The following VEPH1 variants were observed in gnomAD, a reference collection of about 807,000 sequenced individuals.
VEPH1 encodes ventricular zone expressed PH domain containing 1, also known as ventricular zone-expressed PH domain-containing protein homolog 1.
VEPH1 carries 80 observed loss-of-function variants against 85.2 expected under a neutral mutation model. The observed-to-expected ratio is 0.94, with a 90% CI of 0.78 to 1.13. The LOEUF (loss-of-function observed/expected upper bound fraction) is 1.13, where lower values mean the gene tolerates loss of function less well. Among genes scored for constraint, VEPH1 ranks in the 50% most tolerant of loss-of-function variants. The pLI is 0.00. For synonymous variants in VEPH1, 297 were observed against 348.0 expected, an observed-to-expected ratio of 0.85 and a Z score of 1.63; for missense variants, 955 against 980.5, an observed-to-expected ratio of 0.97 and a Z score of 0.35.
chr3:157,295,680 C>A (rs1331228246), intron 11 of VEPH1, among the ~76,000 whole-genome samples: 1 of 152,158 alleles, frequency 6.6e-6, no homozygotes, highest in African/African-American at 2.4e-5. Flanking sequence ...GTTGGTCAGG[C>A]ACAGTGGCTC....
chr3:157,435,283 C>T (rs1190074386), intron 4 of VEPH1, among the ~76,000 whole-genome samples: 1 of 152,132 alleles, frequency 6.6e-6, no homozygotes, highest in Non-Finnish European at 1.5e-5. Context: ...TTGGTTTCTG[C>T]TGATTCTCAT....
intron 11 of VEPH1, among the ~76,000 whole-genome samples, chr3:157,289,866 T>C (rs1717259390): frequency 6.6e-6 from 1 of 152,230 alleles, no homozygotes; most frequent in Admixed American, 6.5e-5. Flanking sequence ...TCAGTTCTAA[T>C]GGGATTGTGG....
At chr3:157,409,620 C>T (rs908204024) in intron 6 of VEPH1, 5 of 985,160 alleles carry the variant, frequency 5.1e-6, no homozygotes, top group Non-Finnish European at 6.0e-6. Context: ...CTCTTCTCTG[C>T]CGAATGTAAT....
At chr3:157,382,379 G>A (rs933269141) in intron 6 of VEPH1, among the ~76,000 whole-genome samples, 6 of 152,002 alleles carry the variant, frequency 3.9e-5, no homozygotes, top group African/African-American at 7.3e-5. Context: ...CATATTTTGA[G>A]GCAACATGAT....
chr3:157,496,757 TC>T (rs766638372), intron 1 of VEPH1, among the ~76,000 whole-genome samples: 24 of 152,298 alleles, frequency 1.6e-4, no homozygotes, highest in Admixed American at 2.0e-4. Context: ...CACCATGGCC[TC>T]AAAATACAAG....
At chr3:157,442,725 A>T (rs749750187) in intron 4 of VEPH1, 1 of 1,614,228 alleles carries the variant, frequency 6.2e-7, no homozygotes, top group Non-Finnish European at 8.5e-7. Context: ...TGAGATGGCC[A>T]CAGGTCACAT....
In VEPH1 at chr3:157,460,090, G is replaced by C. The variant is rs754063207; in HGVS notation, c.529+91C>G. 2.5e-6 allele frequency: 4 copies of C among 1,611,906 alleles called. No homozygotes were observed. The Admixed American group carries it at 6.7e-5, about 27-fold the overall frequency. ...AAATTAATTTGCTTCTAATACTCTA[G>C]GTCTTGCTTCCCACAAACCATAAAT... On this transcript the variant is annotated intron_variant, in intron 4 of 13. Coordinates refer to ENST00000362010, the MANE Select transcript of VEPH1 (RefSeq NM_001167912.2).
chr3:157,340,374 T>A (rs1723409395), intron 9 of VEPH1, among the ~76,000 whole-genome samples: 1 of 152,242 alleles, frequency 6.6e-6, no homozygotes. Flanking sequence ...CAGGAGATTA[T>A]ATCCCGCACC....
intron 5 of VEPH1, among the ~76,000 whole-genome samples, chr3:157,426,086 C>A (rs1732732945): frequency 6.6e-6 from 1 of 152,168 alleles, no homozygotes; most frequent in Non-Finnish European, 1.5e-5. Flanking sequence ...GATTCTGAGG[C>A]CTCCCCAGCC....
intron 12 of VEPH1, among the ~76,000 whole-genome samples, chr3:157,278,936 T>C (rs1715734224): frequency 6.6e-6 from 1 of 152,148 alleles, no homozygotes; most frequent in African/African-American, 2.4e-5. Flanking sequence ...TAATCTCAGC[T>C]ACTCTGGAGT....
At chr3:157,460,517 C>G (rs1735768409) in intron 3 of VEPH1, among the ~76,000 whole-genome samples, 162 bp from the exon 4 acceptor site, 1 of 152,182 alleles carries the variant, frequency 6.6e-6, no homozygotes, top group African/African-American at 2.4e-5. Flanking sequence ...TCTGGGAACT[C>G]TTGGTTTTGT....
intron 6 of VEPH1, chr3:157,409,682 C>G (rs1000465901): frequency 1.6e-5 from 16 of 985,312 alleles, no homozygotes; most frequent in Non-Finnish European, 1.7e-5. Context: ...ACAGTCTGCT[C>G]ACCCAGATGG....
intron 9 of VEPH1, 117 bp downstream of exon 9, chr3:157,363,247 A>G: frequency 9.7e-7 from 1 of 1,032,728 alleles, no homozygotes; most frequent in South Asian, 2.2e-5. Flanking sequence ...TTTAAAAAAA[A>G]TGATCTATTT....
At chr3:157,497,301 A>G (rs1439625091) in intron 1 of VEPH1, among the ~76,000 whole-genome samples, 1 of 152,178 alleles carries the variant, frequency 6.6e-6, no homozygotes, top group Non-Finnish European at 1.5e-5. Flanking sequence ...CCTGAGATTT[A>G]GAGCAACCAG....
At chr3:157,277,950 A>C (rs1286667777) in intron 12 of VEPH1, among the ~76,000 whole-genome samples, 2 of 152,134 alleles carry the variant, frequency 1.3e-5, no homozygotes, top group Non-Finnish European at 2.9e-5. Flanking sequence ...TCATCACTTG[A>C]CTGAGAAAAA....
At chr3:157,369,859 C>T (rs1727290234) in intron 7 of VEPH1, among the ~76,000 whole-genome samples, 1 of 152,158 alleles carries the variant, frequency 6.6e-6, no homozygotes, top group South Asian at 2.1e-4. Context: ...CAAGGAAACA[C>T]ATCACAAATG....
At chr3:157,439,850 A>T (rs966960607) in intron 4 of VEPH1, among the ~76,000 whole-genome samples, 1 of 151,950 alleles carries the variant, frequency 6.6e-6, no homozygotes, top group African/African-American at 2.4e-5. Context: ...TCCCGGGTTC[A>T]CTCCATTCTC....
chr3:157,315,964 T>C (rs1720707585), intron 10 of VEPH1: 1 of 152,112 alleles, frequency 6.6e-6, no homozygotes, highest in Admixed American at 6.5e-5. Context: ...TGTATTCACA[T>C]ACAATTTGGT....
rs1024123115 is a variant in VEPH1, at chr3:157,340,498, G to A, written c.1735+22866C>T. Among the ~76,000 whole-genome samples, 27 of 152,170 alleles carry A rather than the reference G, an allele frequency of 1.8e-4. 1 individual carries two copies. Among genetic ancestry groups the A allele is most frequent in the African/African-American group, 6.5e-4 (27 of 41,434 alleles). Reference sequence around the variant, plus strand: ...GGAATCAATGGCCTGCCATTGATGAGGCTTGAGTAGGTAAACAAAGCGGCC... The same window carrying A: ...GGAATCAATGGCCTGCCATTGATGAAGCTTGAGTAGGTAAACAAAGCGGCC... On this transcript the variant is annotated intron_variant, in intron 9 of 13. Transcript: ENST00000362010.
Sources: gnomAD v4.1 joint callset for allele counts (sites outside exome capture counted in the v4.1 genomes callset) on GRCh38, gnomAD v4.1.1 for gene constraint, MANE v1.5 for transcripts, NCBI Gene and HGNC (gene_info 2026-07-23, HGNC 2026-07-21) for gene names.